Variants in TAS1R1 observed in about 807,000 individuals in gnomAD.
TAS1R1 encodes the protein taste 1 receptor member 1, also known as taste receptor type 1 member 1.
Under a neutral mutation model 45.8 loss-of-function variants are expected in TAS1R1, and 31 were observed. The ratio of observed to expected loss-of-function variants is 0.68; its 90% CI spans 0.51 to 0.91. The LOEUF (loss-of-function observed/expected upper bound fraction) is 0.91, where lower values mean the gene tolerates loss of function less well. TAS1R1 is among the 40% of genes least tolerant of loss of function. TAS1R1 has a pLI of 0.00. For missense variants in TAS1R1, 1,051 were observed against 1,063.9 expected (o/e 0.99, Z 0.17); for synonymous variants, 437 against 448.4 (o/e 0.97, Z 0.32).
At chr1:6,569,568 AG>A (rs1014600017) in intron 1 of TAS1R1, among the ~76,000 whole-genome samples, 5 of 152,126 alleles carry the variant, frequency 3.3e-5, no homozygotes, top group African/African-American at 4.8e-5. Context: ...AAGACACCCA[AG>A]GGGGGTGGTC....
intron 5 of TAS1R1, among the ~76,000 whole-genome samples, chr1:6,577,499 C>G (rs1469041398): frequency 2.7e-5 from 4 of 149,046 alleles, no homozygotes; most frequent in African/African-American, 1.0e-4. Context: ...GCATTCCAGC[C>G]TGGACCACAA....
In TAS1R1 at chr1:6,575,352, C is replaced by T. The variant is rs199504386; in HGVS notation, c.1220C>T (p.Ala407Val). The T allele has an allele frequency of 1.3e-5, 20 of 1,594,930 alleles. No homozygotes were observed. The East Asian group carries it at 3.6e-4, about 29-fold the overall frequency. Reference protein sequence around the residue: ...AHGLHQLLGCASGACSRGRVY... With the variant: ...AHGLHQLLGCVSGACSRGRVY... ...GGCCTCCACCAGCTCCTGGGCTGTG[C>T]CTCTGGAGCTTGTTCCAGGGGCCGA... The change falls in exon 3 of 6, where the codon GCC becomes GTC. Residue 407 changes from alanine (A) to valine (V), a missense_variant. Transcript: ENST00000333172.
chr1:6,564,917 G>T (rs537932932), intron 1 of TAS1R1, among the ~76,000 whole-genome samples: 2 of 151,896 alleles, frequency 1.3e-5, no homozygotes, highest in Admixed American at 6.6e-5. Context: ...GTGTAGGGAT[G>T]GGGGGAGCGG....
chr1:6,577,168 C>T, intron 5 of TAS1R1, 98 bp downstream of exon 5: 1 of 1,532,130 alleles, frequency 6.5e-7, no homozygotes, highest in Non-Finnish European at 8.8e-7. Context: ...TGCCCCAGAA[C>T]CAAGGCCCAG....
At chr1:6,568,503 G>A (rs1264951664) in intron 1 of TAS1R1, among the ~76,000 whole-genome samples, 1 of 100,884 alleles carries the variant, frequency 9.9e-6, no homozygotes, top group Admixed American at 1.2e-4. Context: ...TTGGGAGGCA[G>A]TGTCGATGCA....
chr1:6,570,029 G>A (rs1039937357), intron 1 of TAS1R1, among the ~76,000 whole-genome samples: 4 of 149,774 alleles, frequency 2.7e-5, no homozygotes, highest in East Asian at 2.0e-4. Context: ...GAGGGGGAGA[G>A]AGAGAGAGAG....
In TAS1R1 at chr1:6,555,358, C is replaced by G; in HGVS notation, c.-16C>G. The G allele has an allele frequency of 1.3e-6, 2 of 1,563,006 alleles. No individual in the cohort carries two copies. The highest frequency in any genetic ancestry group is 8.7e-7 in the Non-Finnish European group (1 of 1,151,116). ...GGCCACTCCTTGGCCATGCCAGGCG[C>G]GGGCATCTGGCCAGCATGCTGCTCT... On this transcript the variant is annotated 5_prime_UTR_variant, in exon 1 of 6. Transcript: ENST00000333172.
chr1:6,572,050 G>A (rs1640031591), intron 2 of TAS1R1, among the ~76,000 whole-genome samples: 1 of 152,006 alleles, frequency 6.6e-6, no homozygotes, highest in Non-Finnish European at 1.5e-5. Flanking sequence ...TGCCTGGCCT[G>A]TGGTTGCCCT....
chr1:6,579,281 T>A lies in TAS1R1; in HGVS notation c.2223T>A (p.Ser741Arg). The part of the protein sequence containing the change: ...AFLYNGLLSI[S>R]AFACSYLGKD... ...TCTACAATGGCCTCCTCTCCATCAG[T>A]GCCTTTGCCTGCAGCTACCTGGGTA... The change falls in exon 6 of 6, where the codon AGT (serine) becomes AGA (arginine). Residue 741 changes from serine to arginine, a missense_variant. By Grantham distance (110) the Ser-to-Arg change is moderately radical. Transcript: ENST00000333172. 1 of 1,614,208 alleles carries A rather than the reference T, an allele frequency of 6.2e-7. No individual in the cohort carries two copies. Among genetic ancestry groups the A allele is most frequent in the Non-Finnish European group, 8.5e-7 (1 of 1,180,042 alleles).
chr1:6,564,811 C>CT (rs904194359), intron 1 of TAS1R1, among the ~76,000 whole-genome samples: 35 of 152,158 alleles, frequency 2.3e-4, no homozygotes, highest in African/African-American at 7.7e-4. Flanking sequence ...GAGAAGGTGT[C>CT]TATAAGAGTA....
chr1:6,559,707 C>A (rs934477616), intron 1 of TAS1R1, among the ~76,000 whole-genome samples: 2 of 151,296 alleles, frequency 1.3e-5, no homozygotes, highest in Non-Finnish European at 2.9e-5. Context: ...GTGGTTCACG[C>A]CTGTAATCCT....
At chr1:6,567,028 G>A (rs1339067707) in intron 1 of TAS1R1, among the ~76,000 whole-genome samples, 1 of 152,166 alleles carries the variant, frequency 6.6e-6, no homozygotes. Flanking sequence ...GCAGAGAGGA[G>A]TAGGAGGGAC....
chr1:6,567,376 C>T (rs938698621), intron 1 of TAS1R1, among the ~76,000 whole-genome samples: 25 of 151,892 alleles, frequency 1.6e-4, no homozygotes, highest in South Asian at 6.2e-4. Context: ...CTGGCTAACA[C>T]GGTGAAACCC....
chr1:6,559,747 C>T (rs1639749124), intron 1 of TAS1R1, among the ~76,000 whole-genome samples: 2 of 150,778 alleles, frequency 1.3e-5, no homozygotes, highest in African/African-American at 2.4e-5. Flanking sequence ...GCAGGTGGAT[C>T]ACCTGGGCCG....
At chr1:6,558,810 C>T (rs1639730345) in intron 1 of TAS1R1, among the ~76,000 whole-genome samples, 1 of 152,068 alleles carries the variant, frequency 6.6e-6, no homozygotes, top group Non-Finnish European at 1.5e-5. Flanking sequence ...CCTCTGCCTC[C>T]CAGATTCAGG....
intron 5 of TAS1R1, among the ~76,000 whole-genome samples, chr1:6,577,374 A>C (rs905620777): frequency 6.6e-6 from 1 of 151,266 alleles, no homozygotes; most frequent in Non-Finnish European, 1.5e-5. Context: ...TCTCTACCAA[A>C]AATATAAAAA....
chr1:6,556,069 C>A (rs547706008), intron 1 of TAS1R1, among the ~76,000 whole-genome samples: 1 of 152,184 alleles, frequency 6.6e-6, no homozygotes, highest in Admixed American at 6.5e-5. Context: ...GACGGGGTTT[C>A]ACCGTGTTAG....
chr1:6,560,323 A>G (rs377035821), intron 1 of TAS1R1, among the ~76,000 whole-genome samples: 11 of 152,332 alleles, frequency 7.2e-5, no homozygotes, highest in African/African-American at 2.4e-4. Context: ...AGAAAGAACA[A>G]GCAGACCCAA....
chr1:6,565,252 C>T (rs989516471), intron 1 of TAS1R1, among the ~76,000 whole-genome samples: 22 of 151,630 alleles, frequency 1.5e-4, no homozygotes, highest in African/African-American at 4.9e-4. Context: ...TCAGGGTTTT[C>T]AAGAAAGAGA....
Sources: allele counts gnomAD v4.1 joint callset (sites outside exome capture counted in the v4.1 genomes callset), GRCh38; gene constraint gnomAD v4.1.1; transcripts MANE v1.5; gene names NCBI Gene and HGNC (gene_info 2026-07-23, HGNC 2026-07-21).